PRPF4: variants seen among roughly 807,000 people sequenced by gnomAD.
PRPF4 encodes pre-mRNA splicing tri-snRNP complex factor PRPF4.
PRPF4 carries 14 observed loss-of-function variants against 72.2 expected under a neutral mutation model. That is an observed-to-expected ratio of 0.19 (90% confidence interval 0.13 to 0.30). The LOEUF (loss-of-function observed/expected upper bound fraction) is 0.30, where lower values mean the gene tolerates loss of function less well. PRPF4 is among the 10% of genes least tolerant of loss of function. PRPF4 has a pLI of 1.00. For missense variants in PRPF4, 478 were observed against 653.9 expected (o/e 0.73, Z 2.93); for synonymous variants, 225 against 232.2 (o/e 0.97, Z 0.28).
At chr9:113,279,907 T>C (rs1413427624) in intron 3 of PRPF4, among the ~76,000 whole-genome samples, 1 of 152,214 alleles carries the variant, frequency 6.6e-6, no homozygotes, top group Admixed American at 6.5e-5. Context: ...ATTTGCAGGT[T>C]GCGAAGTCTT....
chr9:113,281,070 A>G (rs371733108), intron 3 of PRPF4, among the ~76,000 whole-genome samples: 53 of 152,214 alleles, frequency 3.5e-4, no homozygotes, highest in African/African-American at 1.1e-3. Flanking sequence ...CACCTCCTCA[A>G]GTGATCCTCT....
Position 113,276,482 on chromosome 9 carries a change from C to G in PRPF4, c.28-66C>G, listed in dbSNP as rs937649979. 5.8e-6 allele frequency: 9 copies of G among 1,561,204 alleles called. No individual in the cohort carries two copies. The Middle Eastern group carries it at 6.7e-4, about 117-fold the overall frequency. Reference sequence around the variant, plus strand: ...TGTGAAACTCAGGGTGAGCTTCATCCTCTGGTGAAGTCCGGTAAATTGCCA... The same window carrying G: ...TGTGAAACTCAGGGTGAGCTTCATCGTCTGGTGAAGTCCGGTAAATTGCCA... On this transcript the variant is annotated intron_variant, in intron 1 of 13. Coordinates refer to ENST00000374198, the MANE Select transcript of PRPF4 (RefSeq NM_001244926.2).
chr9:113,291,142 G>T, intron 13 of PRPF4, 126 bp downstream of exon 13: 1 of 990,884 alleles, frequency 1.0e-6, no homozygotes, highest in South Asian at 1.4e-5. Context: ...TACTGGTAAA[G>T]GAGCAAATTA....
chr9:113,289,916 C>T (rs558292808), intron 10 of PRPF4, among the ~76,000 whole-genome samples: 363 of 152,182 alleles, frequency 2.4e-3, no homozygotes, highest in African/African-American at 8.2e-3. Flanking sequence ...CTTGGGGAAT[C>T]CTGTTATTAC....
In PRPF4 at chr9:113,279,135, G is replaced by A. The variant is rs754160412; in HGVS notation, c.392+4G>A. On this transcript the variant is annotated splice_donor_region_variant and intron_variant, in intron 3 of 13. Transcript: ENST00000374198. ...GTCCTGCTGAAAGAAGAGAAAGGTT[G>A]CCTTTCTAAATATTTACTTTTTTTC... 6.3e-7 allele frequency: 1 copy of A among 1,597,780 alleles called. No homozygotes were observed. The highest frequency in any genetic ancestry group is 8.5e-7 in the Non-Finnish European group (1 of 1,172,738).
In PRPF4 at chr9:113,275,667, C is replaced by G. The variant is rs1039028284; in HGVS notation, c.-77C>G. 6.5e-7 allele frequency: 1 copy of G among 1,540,048 alleles called. No individual in the cohort carries two copies. Among genetic ancestry groups the G allele is most frequent in the Non-Finnish European group, 8.8e-7 (1 of 1,134,152 alleles). On this transcript the variant is annotated 5_prime_UTR_variant, in exon 1 of 14. Transcript: ENST00000374198. ...ACTTCCTGTCAGTGACGCACTTCCC[C>G]TCTGCTGGGCGCGCGGTGGACGGTC...
chr9:113,285,415 T>C (rs1832409263), intron 7 of PRPF4, among the ~76,000 whole-genome samples: 1 of 123,412 alleles, frequency 8.1e-6, no homozygotes, highest in Non-Finnish European at 1.6e-5. Context: ...GTGTCACACT[T>C]TCGGCCAGGC....
chr9:113,283,430 T>C lies in PRPF4; in HGVS notation c.602T>C (p.Ile201Thr), dbSNP rs780070645. The change falls in exon 6 of 14, where the codon ATT (isoleucine) becomes ACT (threonine). Residue 201 changes from isoleucine (I) to threonine (T), a missense_variant. Transcript: ENST00000374198. ...RLEEARLHKEIPETTRTSQMQ... is the reference protein window; with the variant it reads ...RLEEARLHKETPETTRTSQMQ... The stretch of plus-strand genomic sequence containing the variant: ...GAAGAGGCCCGACTCCATAAGGAGA[T>C]TCCTGAGACAACAAGGACCTCCCAG... The C allele has an allele frequency of 1.9e-6, 3 of 1,614,080 alleles. No individual in the cohort carries two copies. The South Asian group carries it at 3.3e-5, about 18-fold the overall frequency.
At chr9:113,275,797 T>C in intron 1 of PRPF4, 27 bp downstream of exon 1, 1 of 1,609,788 alleles carries the variant, frequency 6.2e-7, no homozygotes. Flanking sequence ...CCCAGCTCAC[T>C]CTGGCAGGGA....
chr9:113,275,671 G>A lies in PRPF4; in HGVS notation c.-73G>A. 6.5e-7 allele frequency: 1 copy of A among 1,550,088 alleles called. No homozygotes were observed. ...CCTGTCAGTGACGCACTTCCCCTCT[G>A]CTGGGCGCGCGGTGGACGGTCTGAA... On this transcript the variant is annotated 5_prime_UTR_variant, in exon 1 of 14. Transcript: ENST00000374198.
intron 3 of PRPF4, among the ~76,000 whole-genome samples, chr9:113,280,210 A>G (rs938418454): frequency 2.6e-5 from 4 of 152,012 alleles, no homozygotes; most frequent in African/African-American, 9.7e-5. Flanking sequence ...TCACTCTCCT[A>G]ATAACAAATC....
At chr9:113,282,983 A>G (rs1832326641) in intron 4 of PRPF4, 149 bp from the exon 5 acceptor site, 2 of 1,442,060 alleles carry the variant, frequency 1.4e-6, no homozygotes, top group Admixed American at 2.4e-5. Context: ...TATCATAGAA[A>G]AAAATTCAGT....
Position 113,285,183 on chromosome 9 carries a change from A to T in PRPF4, c.749+794A>T, listed in dbSNP as rs948628289. On this transcript the variant is annotated intron_variant, in intron 7 of 13. Coordinates refer to ENST00000374198, the MANE Select transcript of PRPF4 (RefSeq NM_001244926.2). ...TAGATATAAAAGTAATTTGTTGAAA[A>T]ATTTCCAAAATAAGAAGTCTCTAAA... Among the ~76,000 whole-genome samples, 19 of 151,096 alleles carry T rather than the reference A, an allele frequency of 1.3e-4. No homozygotes were observed. The East Asian group carries it at 2.5e-3, about 20-fold the overall frequency.
chr9:113,276,532 A>G lies in PRPF4; in HGVS notation c.28-16A>G. 2 of 1,614,028 alleles carry G rather than the reference A, an allele frequency of 1.2e-6. No individual in the cohort carries two copies. Among genetic ancestry groups the G allele is most frequent in the Non-Finnish European group, 8.5e-7 (1 of 1,179,894 alleles). Reference sequence around the variant, plus strand: ...AAGATTAAACCTTAGTTTAATGCAGATCTTTGATTTAGCAGGCAACCAAAA... The same window carrying G: ...AAGATTAAACCTTAGTTTAATGCAGGTCTTTGATTTAGCAGGCAACCAAAA... On this transcript the variant is annotated splice_polypyrimidine_tract_variant and intron_variant, in intron 1 of 13. Transcript: ENST00000374198.
chr9:113,284,352 T>G lies in PRPF4; in HGVS notation c.712T>G (p.Phe238Val). 6.2e-7 allele frequency: 1 copy of G among 1,613,598 alleles called. No homozygotes were observed. The highest frequency in any genetic ancestry group is 8.5e-7 in the Non-Finnish European group (1 of 1,179,488). Residue 238 changes from phenylalanine (F) to valine (V), a missense_variant, in exon 7 of 14, where the codon TTT becomes GTT. By Grantham distance (50) the Phe-to-Val change is conservative. Transcript: ENST00000374198. ...TGATCGGCCTATCTCCTACTGTCAC[T>G]TTAGTCCCAATTCCAAGATGCTGGC... is the stretch of plus-strand genomic sequence containing the variant. The part of the protein sequence containing the change: ...GDDRPISYCH[F>V]SPNSKMLATA...
rs1832508157 is a variant in PRPF4 at position 113,288,261 on chromosome 9, C to CTTG, written c.1019_1020insTTG (p.Cys341dup). 6.2e-7 allele frequency: 1 copy of CTTG among 1,613,912 alleles called. No individual in the cohort carries two copies. On this transcript the variant is annotated inframe_insertion, in exon 10 of 14. Coordinates refer to ENST00000374198, the MANE Select transcript of PRPF4 (RefSeq NM_001244926.2). ...CCTTCAGGACGTTTCCTGGGCACCACCTGGTGAGCCATCCTGTTATTGTTT... is the reference window on the plus strand; with the variant it reads ...CCTTCAGGACGTTTCCTGGGCACCACTTGCTGGTGAGCCATCCTGTTATTGTTT...
intron 8 of PRPF4, 66 bp from the exon 9 acceptor site, chr9:113,286,639 C>G (rs1050910600): frequency 1.6e-4 from 259 of 1,586,008 alleles, no homozygotes; most frequent in Middle Eastern, 1.7e-4. Context: ...CACATGTTCC[C>G]TAGTATATAA....
chr9:113,276,370 C>A (rs1032643635), intron 1 of PRPF4, among the ~76,000 whole-genome samples, 178 bp from the exon 2 acceptor site: 10 of 152,138 alleles, frequency 6.6e-5, no homozygotes, highest in African/African-American at 2.2e-4. Flanking sequence ...ACTGAAACAC[C>A]CTCACCCTAC....
At chr9:113,276,855 G>A (rs936051573) in intron 2 of PRPF4, 130 bp downstream of exon 2, 10 of 1,067,338 alleles carry the variant, frequency 9.4e-6, no homozygotes, top group East Asian at 2.7e-5. Context: ...TCGCTCTGTC[G>A]CCAGGCTGGA....
Sources: gnomAD v4.1 joint callset for allele counts (sites outside exome capture counted in the v4.1 genomes callset) on GRCh38, gnomAD v4.1.1 for gene constraint, MANE v1.5 for transcripts, NCBI Gene and HGNC (gene_info 2026-07-23, HGNC 2026-07-21) for gene names.